PTPRH: variants seen among roughly 807,000 people sequenced by gnomAD.
PTPRH encodes the protein receptor-type tyrosine-protein phosphatase H.
A neutral mutation model predicts 130.2 loss-of-function variants in PTPRH; 113 were observed. That is an observed-to-expected ratio of 0.87 (90% CI 0.75 to 1.01). The LOEUF (loss-of-function observed/expected upper bound fraction) is 1.01, where lower values mean the gene tolerates loss of function less well. Among genes scored for constraint, PTPRH ranks in the 50% least tolerant of loss-of-function variants. The pLI, the probability that PTPRH is intolerant of heterozygous loss-of-function variation, is 0.00. For synonymous variants in PTPRH, 556 were observed against 577.9 expected (o/e 0.96, Z 0.54); for missense variants, 1,430 against 1,425.0 (o/e 1.00, Z -0.06).
intron 18 of PTPRH, among the ~76,000 whole-genome samples, chr19:55,184,518 G>T (rs1015222967): frequency 6.6e-6 from 1 of 152,000 alleles, no homozygotes. Context: ...GTCAGGTGCG[G>T]TGGCTCACGC....
At position 55,188,079 on chromosome 19, in the gene PTPRH, T is replaced by C. The variant is rs779087508; in HGVS notation, c.2474A>G (p.Gln825Arg). 9.3e-6 allele frequency: 15 copies of C among 1,613,284 alleles called. No individual in the cohort carries two copies. The Middle Eastern group carries it at 4.9e-4, about 53-fold the overall frequency. Reference protein sequence around the residue: ...DSNCGFADEYQQLSLVGHSQS... With the variant: ...DSNCGFADEYRQLSLVGHSQS... ...TCAGCCCCTCTGTCCTCTCCCCACC[T>C]GGTACTCGTCTGCAAAACCACAGTT... The change falls in exon 13 of 20, where the codon CAG (glutamine) becomes CGG (arginine). Residue 825 changes from glutamine to arginine, a missense_variant and splice_region_variant. Coordinates refer to ENST00000376350, the MANE Select transcript of PTPRH (RefSeq NM_002842.5).
In PTPRH at chr19:55,207,217, A is replaced by G. The variant is rs1226548915; in HGVS notation, c.52-18T>C. ...CACAGGCCCTGGAGGGAACCCAGAG[A>G]AAACGGAGTCAGCCTCTCAACCACT... On this transcript the variant is annotated intron_variant, in intron 1 of 19. Transcript: ENST00000376350. The G allele has an allele frequency of 1.9e-6, 3 of 1,612,068 alleles. No individual in the cohort carries two copies. The South Asian group carries it at 3.3e-5, about 18-fold the overall frequency.
At chr19:55,200,552 CG>C in intron 6 of PTPRH, 50 bp from the exon 7 acceptor site, 1 of 1,589,006 alleles carries the variant, frequency 6.3e-7, no homozygotes. Flanking sequence ...CAGAACAGAA[CG>C]GGGCAGGAGT....
intron 5 of PTPRH, among the ~76,000 whole-genome samples, chr19:55,203,536 C>G (rs2122264637): frequency 6.6e-6 from 1 of 151,746 alleles, no homozygotes; most frequent in South Asian, 2.1e-4. Context: ...TCACCTCAGC[C>G]TCCCGAGTAG....
intron 9 of PTPRH, 61 bp from the exon 10 acceptor site, chr19:55,196,849 C>T: frequency 2.6e-6 from 4 of 1,561,042 alleles, no homozygotes; most frequent in South Asian, 2.4e-5. Context: ...CCCCCTCCAC[C>T]CCTACCCCCA....
At position 55,183,814 on chromosome 19, in the gene PTPRH, C is replaced by T. The variant is rs928179183; in HGVS notation, c.3063-1663G>A. ...CCTCTATCTACTTGCAAAACACTTTCATCACCCCTAAAGCAGACACCACGC... is the reference window on the plus strand; with the variant it reads ...CCTCTATCTACTTGCAAAACACTTTTATCACCCCTAAAGCAGACACCACGC... On this transcript the variant is annotated intron_variant, in intron 18 of 19. Transcript: ENST00000376350. 2.0e-5 allele frequency among the ~76,000 whole-genome samples: 3 copies of T among 152,216 alleles called. No homozygotes were observed. The South Asian group carries it at 6.2e-4, about 32-fold the overall frequency.
chr19:55,181,832 C>T lies in PTPRH; in HGVS notation c.3270G>A (p.Lys1090=). The T allele has an allele frequency of 6.2e-7, 1 of 1,614,206 alleles. No homozygotes were observed. The highest frequency in any genetic ancestry group is 8.5e-7 in the Non-Finnish European group (1 of 1,180,014). The change falls in exon 20 of 20, where the codon AAG becomes AAA. Residue 1090 remains lysine (K), a synonymous_variant. Coordinates refer to ENST00000376350, the MANE Select transcript of PTPRH (RefSeq NM_002842.5). The part of the protein sequence containing the change: ...LQQSAQAPAE[K]EVPYEDVENL... ...TTTCGACATCCTCATACGGGACTTC[C>T]TTCTCGGCTGGGGCCTGGGCTGACT...
rs1430644176 is a variant in PTPRH, at chr19:55,181,555, T to TC, written c.*198dup. ...TCCTTCAGGGAACCAGGAATCCAGATCCCCAGCTCCCATAGGACTCATCTG... is the reference window on the plus strand; with the variant it reads ...TCCTTCAGGGAACCAGGAATCCAGATCCCCCAGCTCCCATAGGACTCATCTG... On this transcript the variant is annotated 3_prime_UTR_variant, in exon 20 of 20. Transcript: ENST00000376350. The TC allele has an allele frequency of 1.5e-6, 1 of 647,546 alleles. No homozygotes were observed. Among genetic ancestry groups the TC allele is most frequent in the African/African-American group, 1.8e-5 (1 of 55,140 alleles). The allele number at this position is 647,546 out of a possible 1,614,324, so 40.1% of individuals were successfully genotyped here.
chr19:55,187,404 C>CACGG, intron 14 of PTPRH, 109 bp downstream of exon 14: 1 of 602,496 alleles, frequency 1.7e-6, no homozygotes. Flanking sequence ...AAAGGAGACC[C>CACGG]ACGGTAGGGG....
chr19:55,189,930 G>C, intron 12 of PTPRH: 1 of 347,612 alleles, frequency 2.9e-6, no homozygotes, highest in South Asian at 2.1e-5. Flanking sequence ...GGAGGTCGAG[G>C]CTGCAGTGAG....
Position 55,198,630 on chromosome 19 carries a change from G to A in PTPRH, c.1690+13C>T, listed in dbSNP as rs765311596. ...TCCTAATAGGGCTGGGTTCAGAACC[G>A]ACTGTGTCTCACCAGTGGCTGCAGT... On this transcript the variant is annotated intron_variant, in intron 8 of 19. Coordinates refer to ENST00000376350, the MANE Select transcript of PTPRH (RefSeq NM_002842.5). The A allele has an allele frequency of 3.0e-5, 47 of 1,587,438 alleles. No individual in the cohort carries two copies. The highest frequency in any genetic ancestry group is 3.6e-5 in the Non-Finnish European group (42 of 1,164,576).
intron 5 of PTPRH, among the ~76,000 whole-genome samples, chr19:55,202,579 CTGAT>C (rs1375758262): frequency 2.6e-5 from 4 of 151,090 alleles, no homozygotes; most frequent in African/African-American, 9.8e-5. Context: ...TGTCAACTAT[CTGAT>C]TGATCCTATA....
chr19:55,195,078 A>T (rs1356371865), intron 10 of PTPRH, among the ~76,000 whole-genome samples: 1 of 152,024 alleles, frequency 6.6e-6, no homozygotes, highest in African/African-American at 2.4e-5. Flanking sequence ...TAATCCCTGC[A>T]CTTCAGGAGG....
chr19:55,192,921 G>A (rs1294997626), intron 10 of PTPRH, among the ~76,000 whole-genome samples: 1 of 151,862 alleles, frequency 6.6e-6, no homozygotes, highest in Non-Finnish European at 1.5e-5. Context: ...TTTCACAGGT[G>A]ACCTGGTTGC....
At chr19:55,188,016 G>T (rs74679430) in intron 13 of PTPRH, 62 bp downstream of exon 13, 3 of 1,041,284 alleles carry the variant, frequency 2.9e-6, no homozygotes, top group Admixed American at 1.9e-5. Flanking sequence ...GCCAGGGGGT[G>T]GGGGGTGGGG....
rs34071809 is a variant in PTPRH, at chr19:55,193,227, C to CA, written c.2258-1487dup. ...TGGGTGATAGAGTGAGACTCTGTCT[C>CA]AAAAAAAAAAAAAAGAAAAAGAAAG... On this transcript the variant is annotated intron_variant, in intron 10 of 19. Transcript: ENST00000376350. Among the ~76,000 whole-genome samples, 242 of 124,092 alleles carry CA rather than the reference C, an allele frequency of 2.0e-3. 2 individuals carry two copies. Among genetic ancestry groups the CA allele is most frequent in the Admixed American group, 5.5e-3 (64 of 11,742 alleles). 81.4% of individuals were successfully genotyped at this position (124,092 alleles called of 152,430 possible). A position where few individuals can be genotyped will look rare whatever the true frequency, so the allele number is the denominator to read the frequency against.
At chr19:55,206,010 A>G (rs1175047277) in intron 3 of PTPRH, among the ~76,000 whole-genome samples, 1 of 152,166 alleles carries the variant, frequency 6.6e-6, no homozygotes, top group African/African-American at 2.4e-5. Flanking sequence ...AGGCAGGCGG[A>G]TCACCTGAGG....
chr19:55,198,663 C>CTGT lies in PTPRH; in HGVS notation c.1667_1669dup (p.Asn556dup), dbSNP rs1367526717. ...CTCACCAGTGGCTGCAGTGAGGGTGCTGTTATAGCCTCTGACCTCATTCCT... is the reference window on the plus strand; with the variant it reads ...CTCACCAGTGGCTGCAGTGAGGGTGCTGTTGTTATAGCCTCTGACCTCATTCCT... On this transcript the variant is annotated inframe_insertion, in exon 8 of 20. Transcript: ENST00000376350. 6.2e-7 allele frequency: 1 copy of CTGT among 1,607,568 alleles called. No homozygotes were observed. Among genetic ancestry groups the CTGT allele is most frequent in the Admixed American group, 1.7e-5 (1 of 59,270 alleles).
In PTPRH at chr19:55,185,621, G is replaced by A. The variant is rs1178310508; in HGVS notation, c.2943C>T (p.Tyr981=). 1.2e-6 allele frequency: 2 copies of A among 1,614,228 alleles called. No individual in the cohort carries two copies. The highest frequency in any genetic ancestry group is 1.1e-5 in the South Asian group (1 of 91,082). The change falls in exon 18 of 20, where the codon TAC becomes TAT. Residue 981 remains tyrosine (Y), a synonymous_variant. Transcript: ENST00000376350. ...QKTLSVRQFH[Y]QAWPDHGVPS... ...GAACGCCGTGATCCGGCCAGGCCTGGTAGTGGAATTGGCGCACAGACAGTG... is the reference window on the plus strand; with the variant it reads ...GAACGCCGTGATCCGGCCAGGCCTGATAGTGGAATTGGCGCACAGACAGTG...
Sources: allele counts gnomAD v4.1 joint callset (sites outside exome capture counted in the v4.1 genomes callset), GRCh38; gene constraint gnomAD v4.1.1; transcripts MANE v1.5; gene names NCBI Gene and HGNC (gene_info 2026-07-23, HGNC 2026-07-21).